Variants in CSMD1 observed in about 807,000 individuals in gnomAD.
CSMD1 encodes the protein CUB and sushi domain-containing protein 1.
Under a neutral mutation model 417.5 loss-of-function variants are expected in CSMD1, and 213 were observed. The observed-to-expected ratio is 0.51, with a 90% CI of 0.46 to 0.57. The LOEUF (loss-of-function observed/expected upper bound fraction) is 0.57. CSMD1 is among the 20% of genes least tolerant of loss of function. CSMD1 has a pLI of 0.00. For synonymous variants in CSMD1, 2,862 were observed against 1,736.8 expected, an observed-to-expected ratio of 1.65 and a Z score of -16.11; for missense variants, 6,923 against 4,529.7, an observed-to-expected ratio of 1.53 and a Z score of -15.17.
At chr8:3,186,389 T>A (rs1821760612) in intron 36 of CSMD1, among the ~76,000 whole-genome samples, 2 of 152,184 alleles carry the variant, frequency 1.3e-5, no homozygotes, top group African/African-American at 2.4e-5. Flanking sequence ...TAAAAGTTCC[T>A]AAAAGTATAA....
intron 3 of CSMD1, among the ~76,000 whole-genome samples, chr8:4,178,559 T>G (rs529480122): frequency 1.3e-5 from 2 of 150,894 alleles, no homozygotes; most frequent in Admixed American, 6.6e-5. Flanking sequence ...CTATTCAACA[T>G]AGTGTTGGAA....
intron 5 of CSMD1, among the ~76,000 whole-genome samples, chr8:3,959,759 T>C (rs1422248881): frequency 6.6e-6 from 1 of 152,218 alleles, no homozygotes; most frequent in Non-Finnish European, 1.5e-5. Flanking sequence ...AACTTAGGTA[T>C]GTCTTCAGTT....
chr8:3,744,068 G>T (rs894615698), intron 6 of CSMD1, among the ~76,000 whole-genome samples: 1 of 152,170 alleles, frequency 6.6e-6, no homozygotes, highest in Non-Finnish European at 1.5e-5. Context: ...CTTCCGAGAA[G>T]GACATAGACC....
chr8:3,512,956 G>C (rs913323378), intron 10 of CSMD1, among the ~76,000 whole-genome samples: 2 of 152,050 alleles, frequency 1.3e-5, no homozygotes, highest in African/African-American at 4.8e-5. Flanking sequence ...GCCACAGATA[G>C]CAAAAATATA....
chr8:3,673,899 C>A (rs1195110945), intron 7 of CSMD1, among the ~76,000 whole-genome samples: 1 of 152,092 alleles, frequency 6.6e-6, no homozygotes, highest in Non-Finnish European at 1.5e-5. Context: ...AGGCAGAATG[C>A]TTGAGCTCAG....
At chr8:4,595,165 G>A (rs1800188978) in intron 2 of CSMD1, among the ~76,000 whole-genome samples, 2 of 152,036 alleles carry the variant, frequency 1.3e-5, no homozygotes, top group African/African-American at 2.4e-5. Context: ...CAGTGAAAGA[G>A]TGTTACTAAT....
intron 1 of CSMD1, among the ~76,000 whole-genome samples, chr8:4,796,613 T>C (rs940340996): frequency 2.0e-5 from 3 of 151,960 alleles, no homozygotes; most frequent in Admixed American, 1.3e-4. Flanking sequence ...GACCACTGAT[T>C]AGCAAACACA....
intron 12 of CSMD1, among the ~76,000 whole-genome samples, chr8:3,462,339 G>A (rs1816557804): frequency 6.6e-6 from 1 of 152,134 alleles, no homozygotes; most frequent in Non-Finnish European, 1.5e-5. Flanking sequence ...CCAACCCCCA[G>A]GCCAGGGACC....
In CSMD1 at chr8:3,359,210, C is replaced by G. The variant is rs755964576; in HGVS notation, c.3246G>C (p.Lys1082Asn). The stretch of plus-strand genomic sequence containing the variant: ...GGCGGCCCCCACCCAGGCAGGTAAG[C>G]TTGGTGGCACCTTCTAAACGATATC... ...FLGYRLEGAT[K>N]LTCLGGGRRV... is the part of the protein sequence containing the mutation. The change falls in exon 21 of 70, where the codon AAG becomes AAC. Residue 1082 changes from lysine to asparagine, a missense_variant. Transcript: ENST00000635120. 6.2e-7 allele frequency: 1 copy of G among 1,613,958 alleles called. No homozygotes were observed. The highest frequency in any genetic ancestry group is 1.1e-5 in the South Asian group (1 of 91,080).
chr8:4,036,173 T>A (rs936252368), intron 3 of CSMD1, among the ~76,000 whole-genome samples: 1 of 152,292 alleles, frequency 6.6e-6, no homozygotes, highest in Non-Finnish European at 1.5e-5. Context: ...TGTGTAAGTG[T>A]GCTCTGTGAT....
chr8:4,741,478 A>G (rs146388092), intron 1 of CSMD1, among the ~76,000 whole-genome samples: 2 of 152,322 alleles, frequency 1.3e-5, no homozygotes, highest in African/African-American at 4.8e-5. Context: ...TTTCATAAAC[A>G]TACACAAATA....
intron 3 of CSMD1, among the ~76,000 whole-genome samples, chr8:4,388,589 T>C (rs979687053): frequency 3.3e-5 from 5 of 151,750 alleles, no homozygotes; most frequent in Non-Finnish European, 7.4e-5. Flanking sequence ...AGACTGCAAA[T>C]AGGGTACAGT....
Position 3,301,307 on chromosome 8 carries a change from G to C in CSMD1, c.3950+6388C>G, listed in dbSNP as rs569451643. 5.3e-5 allele frequency among the ~76,000 whole-genome samples: 8 copies of C among 152,238 alleles called. No individual in the cohort carries two copies. The South Asian group carries it at 1.0e-3, about 20-fold the overall frequency. ...AGGGTCTACCCAGCGAAGGAACCAG[G>C]TGGTGGGCAGGGAGGAGAGTTTGGG... is the stretch of plus-strand genomic sequence containing the variant. On this transcript the variant is annotated intron_variant, in intron 25 of 69. Transcript: ENST00000635120.
intron 18 of CSMD1, chr8:3,375,133 C>G (rs1274462805): frequency 6.6e-6 from 1 of 152,186 alleles, no homozygotes; most frequent in Non-Finnish European, 1.5e-5. Context: ...ACATGTTAAA[C>G]ACTGACCTCG....
rs557345511 is a variant in CSMD1, at chr8:4,216,992, C to A, written c.416-184893G>T. On this transcript the variant is annotated intron_variant, in intron 3 of 69. Coordinates refer to ENST00000635120, the MANE Select transcript of CSMD1 (RefSeq NM_033225.6). ...GGATAGGTCCCCACGGTTAAGACTT[C>A]TCTAACTAGAATTGTCTTGTGTCTC... Among the ~76,000 whole-genome samples the A allele has an allele frequency of 4.6e-3, 702 of 152,256 alleles. 4 individuals are homozygous for A. Among genetic ancestry groups the A allele is most frequent in the South Asian group, 0.012 (57 of 4,820 alleles).
chr8:3,006,453 C>A (rs1320734154), intron 52 of CSMD1, among the ~76,000 whole-genome samples: 2 of 151,892 alleles, frequency 1.3e-5, no homozygotes, highest in East Asian at 1.9e-4. Flanking sequence ...AAAAAAGAGC[C>A]CGAATCACCA....
chr8:4,217,122 GTC>G (rs1422183036), intron 3 of CSMD1, among the ~76,000 whole-genome samples: 1 of 152,182 alleles, frequency 6.6e-6, no homozygotes, highest in Non-Finnish European at 1.5e-5. Context: ...TGTAGTGCTA[GTC>G]TACATAGTAC....
chr8:3,015,242 C>A (rs74549519), intron 52 of CSMD1, among the ~76,000 whole-genome samples: 7,298 of 152,154 alleles, frequency 0.048, 176 homozygotes, highest in East Asian at 0.07. Flanking sequence ...TGGATTTGTC[C>A]CTCCGGACAC....
At chr8:3,928,353 T>C (rs1417124992) in intron 5 of CSMD1, among the ~76,000 whole-genome samples, 1 of 148,856 alleles carries the variant, frequency 6.7e-6, no homozygotes, top group Non-Finnish European at 1.5e-5. Flanking sequence ...ACAAATGATA[T>C]ATTGCCCTTT....
Sources: gnomAD v4.1 joint callset for allele counts (sites outside exome capture counted in the v4.1 genomes callset) on GRCh38, gnomAD v4.1.1 for gene constraint, MANE v1.5 for transcripts, NCBI Gene and HGNC (gene_info 2026-07-23, HGNC 2026-07-21) for gene names.